The following CIROZ variants were observed in gnomAD, a reference collection of about 807,000 sequenced individuals.
The protein encoded by CIROZ is ciliated left-right organizer ZP-N domains-containing protein.
chr1:10,956,015 A>C, the CIROZ span, among the ~76,000 whole-genome samples: 1 of 152,174 alleles, frequency 6.6e-6, no homozygotes, highest in Admixed American at 6.5e-5. Flanking sequence ...ACAGGGAAAG[A>C]GATGGTTGGA....
At chr1:10,948,180 A>G in the CIROZ span, 1 of 1,613,658 alleles carries the variant, frequency 6.2e-7, no homozygotes, top group South Asian at 1.1e-5. Context: ...CGGCCCCTCT[A>G]TGTCCTGGCT....
chr1:10,977,415 G>A, the CIROZ span, among the ~76,000 whole-genome samples: 24 of 152,066 alleles, frequency 1.6e-4, no homozygotes, highest in African/African-American at 4.6e-4. Context: ...CCCAGTAGGC[G>A]GAGATTGCAG....
the CIROZ span, among the ~76,000 whole-genome samples, chr1:10,974,608 A>G: frequency 6.6e-6 from 1 of 152,072 alleles, no homozygotes; most frequent in South Asian, 2.1e-4. The surrounding 1 kb of genome is among the most constrained non-coding windows in gnomAD (Gnocchi z 4.4). Context: ...TTCACTCTTC[A>G]CTTGTCTGTG....
At chr1:10,954,077 T>C in the CIROZ span, 2 of 1,613,526 alleles carry the variant, frequency 1.2e-6, no homozygotes, top group Non-Finnish European at 1.7e-6. Context: ...TCTCGGCAAA[T>C]TCCAGGCTCA....
chr1:10,979,294 C>A, the CIROZ span, among the ~76,000 whole-genome samples: 2 of 151,998 alleles, frequency 1.3e-5, no homozygotes, highest in Non-Finnish European at 2.9e-5. Context: ...GCACCCAGGG[C>A]AAGGATCTCA....
the CIROZ span, among the ~76,000 whole-genome samples, chr1:10,976,975 T>C: frequency 2.6e-5 from 4 of 152,096 alleles, no homozygotes; most frequent in African/African-American, 7.2e-5. Flanking sequence ...CTGGGCAACA[T>C]GGTGAAACCC....
chr1:10,972,605 AC>A, the CIROZ span, among the ~76,000 whole-genome samples: 2 of 152,180 alleles, frequency 1.3e-5, no homozygotes, highest in African/African-American at 4.8e-5. Context: ...CAGGGCTTAG[AC>A]CCTGGATCAA....
the CIROZ span, among the ~76,000 whole-genome samples, chr1:10,953,450 C>T: frequency 1.3e-5 from 2 of 152,152 alleles, no homozygotes; most frequent in South Asian, 2.1e-4. Context: ...AGCATGAAGG[C>T]ATACACCACG....
the CIROZ span, among the ~76,000 whole-genome samples, chr1:10,953,804 G>A: frequency 6.6e-6 from 1 of 152,156 alleles, no homozygotes; most frequent in African/African-American, 2.4e-5. Flanking sequence ...TCCAGGGCCA[G>A]GAACCACATC....
chr1:10,953,780 C>T, the CIROZ span, among the ~76,000 whole-genome samples: 1 of 152,134 alleles, frequency 6.6e-6, no homozygotes, highest in African/African-American at 2.4e-5. Flanking sequence ...TCCCTTGTCC[C>T]CTCCCTGGCA....
the CIROZ span, chr1:10,954,925 G>A: frequency 3.3e-4 from 491 of 1,488,724 alleles, 2 homozygotes; most frequent in Middle Eastern, 1.3e-3. Context: ...ATATGGCATC[G>A]GTGACCAAAG....
the CIROZ span, among the ~76,000 whole-genome samples, chr1:10,951,646 GC>G: frequency 6.6e-6 from 1 of 150,410 alleles, no homozygotes; most frequent in Non-Finnish European, 1.5e-5. Context: ...GATCCCTTGA[GC>G]CCAGGAGCTC....
At chr1:10,948,214 T>C in the CIROZ span, 2 of 1,613,878 alleles carry the variant, frequency 1.2e-6, 1 homozygote, top group South Asian at 2.2e-5. Flanking sequence ...GAAAGGTCCA[T>C]GTGCCCCCTG....
At chr1:10,982,015 G>A in the CIROZ span, 2 of 1,537,236 alleles carry the variant, frequency 1.3e-6, no homozygotes. Context: ...CACTTACCAG[G>A]CAAGTGCTGG....
chr1:10,974,046 G>A, the CIROZ span, among the ~76,000 whole-genome samples: 2 of 152,124 alleles, frequency 1.3e-5, no homozygotes, highest in Non-Finnish European at 2.9e-5. The surrounding 1 kb of genome is among the most constrained non-coding windows in gnomAD (Gnocchi z 4.4). Context: ...CTCTTAGGGG[G>A]TTTGGGGCCA....
At chr1:10,964,668 T>C in the CIROZ span, among the ~76,000 whole-genome samples, 5 of 152,226 alleles carry the variant, frequency 3.3e-5, no homozygotes, top group African/African-American at 2.4e-5. Context: ...TCTCATTCAG[T>C]CACCCAGGCT....
the CIROZ span, chr1:10,948,810 G>C: frequency 1.3e-6 from 2 of 1,510,872 alleles, no homozygotes; most frequent in South Asian, 2.7e-5. Context: ...TCTTCTCGCC[G>C]GTTTGGCTGT....
At chr1:10,980,591 G>T in the CIROZ span, among the ~76,000 whole-genome samples, 1 of 152,346 alleles carries the variant, frequency 6.6e-6, no homozygotes, top group East Asian at 1.9e-4. Context: ...AAGGAAAGTG[G>T]CTGACTCTGG....
chr1:10,967,386 AC>A, the CIROZ span, among the ~76,000 whole-genome samples: 1 of 152,052 alleles, frequency 6.6e-6, no homozygotes, highest in South Asian at 2.1e-4. Context: ...CTAGATATCC[AC>A]ATGGCTGACT....
Sources: allele counts gnomAD v4.1 joint callset (sites outside exome capture counted in the v4.1 genomes callset), GRCh38; gene constraint gnomAD v4.1.1; non-coding constraint Gnocchi (gnomAD v3.1); transcripts MANE v1.5; gene names NCBI Gene and HGNC (gene_info 2026-07-23, HGNC 2026-07-21).